ATRX: variants seen among roughly 807,000 people sequenced by gnomAD.
The protein encoded by ATRX is ATRX chromatin remodeler.
A neutral mutation model predicts 172.6 loss-of-function variants in ATRX; 12 were observed. That is an observed-to-expected ratio of 0.07 (90% CI 0.04 to 0.11). The LOEUF is 0.11. Ranked by LOEUF, ATRX falls within the 10% of genes least tolerant of loss-of-function variation. The pLI, the probability that ATRX is intolerant of heterozygous loss-of-function variation, is 1.00. For synonymous variants in ATRX, 674 were observed against 594.7 expected (o/e 1.13, Z -1.94); for missense variants, 1,368 against 1,767.4 (o/e 0.77, Z 4.05).
At chrX:77,745,173 G>GAAAAAA (rs1247509964) in intron 1 of ATRX, among the ~76,000 whole-genome samples, 3 of 27,444 alleles carry the variant, frequency 1.1e-4, no homozygotes, top group East Asian at 1.2e-3. Context: ...TCTCAAAAAT[G>GAAAAAA]AAAAAAAAAA....
intron 30 of ATRX, among the ~76,000 whole-genome samples, chrX:77,549,453 C>T (rs922401963): frequency 1.8e-5 from 2 of 111,752 alleles, no homozygotes; most frequent in Admixed American, 1.9e-4. Flanking sequence ...AAGTTTATTA[C>T]CAGAAAAGGT....
chrX:77,578,773 G>T (rs1557072093), intron 27 of ATRX, among the ~76,000 whole-genome samples: 1 of 112,205 alleles, frequency 8.9e-6, no homozygotes, highest in Non-Finnish European at 1.9e-5. Context: ...GAAGAGTAAA[G>T]GGGACTTTAT....
intron 1 of ATRX, among the ~76,000 whole-genome samples, chrX:77,750,190 A>G (rs1557186839): frequency 9.0e-6 from 1 of 111,697 alleles, no homozygotes; most frequent in African/African-American, 3.3e-5. Context: ...ACTGTGCACA[A>G]TTTATAAGTT....
chrX:77,636,219 T>G (rs1469053811), intron 15 of ATRX, among the ~76,000 whole-genome samples, 163 bp from the exon 16 acceptor site: 1 of 112,164 alleles, frequency 8.9e-6, no homozygotes, highest in Admixed American at 9.4e-5. Context: ...TCATGTTAAT[T>G]GTAATCCCCA....
intron 1 of ATRX, among the ~76,000 whole-genome samples, chrX:77,756,890 A>G (rs1334368005): frequency 3.7e-5 from 4 of 109,472 alleles, no homozygotes; most frequent in Admixed American, 9.8e-5. Context: ...GGTTCAAGCA[A>G]TTCTCCTGCC....
rs2071729788 is a variant in ATRX at position 77,688,887 on chromosome X, T to C, written c.525A>G (p.Gly175=). 7 of 1,211,233 alleles carry C rather than the reference T, an allele frequency of 5.8e-6. No homozygotes were observed. The East Asian group carries it at 8.9e-5, about 15-fold the overall frequency. The part of the protein sequence containing the change: ...LHGIVSCTAC[G]QQVNHFQKDS... Reference sequence around the variant, plus strand: ...CTTTTTGAAAATGATTGACCTGTTGTCCACAAGCAGTGCAGCTCACAATCC... The same window carrying C: ...CTTTTTGAAAATGATTGACCTGTTGCCCACAAGCAGTGCAGCTCACAATCC... Residue 175 remains glycine, a synonymous_variant, in exon 7 of 35, where the codon GGA becomes GGG. Transcript: ENST00000373344.
rs2147750370 is a variant in ATRX at position 77,522,345 on chromosome X, G to A, written c.6893C>T (p.Pro2298Leu). The A allele has an allele frequency of 8.3e-7, 1 of 1,210,110 alleles. No individual in the cohort carries two copies. The part of the protein sequence containing the change: ...RFNIPTGTNL[P>L]PVSFNSQTPY... ...AGTTTGAGAGTTGAAACTGACAGGG[G>A]GTAAATTGGTCCCAGTTGGTATGTT... is the stretch of plus-strand genomic sequence containing the variant. Residue 2298 changes from proline to leucine, a missense_variant, in exon 32 of 35, where the codon CCC (proline) becomes CTC (leucine). Around this residue, in one of 17 missense-constraint regions of ATRX, gnomAD observed 100 missense variants for 153.9 expected, o/e 0.65. Coordinates refer to ENST00000373344, the MANE Select transcript of ATRX (RefSeq NM_000489.6).
At chrX:77,785,422 C>T (rs1027020913) in intron 1 of ATRX, among the ~76,000 whole-genome samples, 2 of 109,504 alleles carry the variant, frequency 1.8e-5, no homozygotes, top group African/African-American at 6.7e-5. Context: ...ATACCTGGAA[C>T]TGCACCACAA....
chrX:77,617,303 A>C (rs1156372940), intron 21 of ATRX, among the ~76,000 whole-genome samples: 1 of 111,774 alleles, frequency 8.9e-6, no homozygotes, highest in Non-Finnish European at 1.9e-5. Context: ...AATAGAAATT[A>C]CTCCTTAAAC....
At chrX:77,595,886 G>A (rs1220744015) in intron 25 of ATRX, 3 of 111,312 alleles carry the variant, frequency 2.7e-5, no homozygotes, top group Non-Finnish European at 5.7e-5. Flanking sequence ...AATTACATAC[G>A]TTTTAAAATG....
Position 77,506,551 on chromosome X carries a change from G to A in ATRX, c.*1800C>T, listed in dbSNP as rs1486224040. On this transcript the variant is annotated 3_prime_UTR_variant, in exon 35 of 35. Transcript: ENST00000373344. ...TGGTAACAGTTGGCCAGAGTGTACT[G>A]CCTTCAAATATTTCTCATAAATCTT... The A allele has an allele frequency of 5.8e-6, 1 of 173,665 alleles. No homozygotes were observed. The highest frequency in any genetic ancestry group is 1.1e-5 in the Non-Finnish European group (1 of 91,112). 14.3% of individuals were successfully genotyped at this position (173,665 alleles called of 1,213,427 possible). A position where few individuals can be genotyped will look rare whatever the true frequency, so the allele number is the denominator to read the frequency against.
At chrX:77,557,313 A>T in intron 30 of ATRX, 138 bp downstream of exon 30, 1 of 586,770 alleles carries the variant, frequency 1.7e-6, no homozygotes, top group Non-Finnish European at 2.7e-6. Context: ...TTTTCTAGAC[A>T]AAATTCATTA....
chrX:77,749,863 C>T (rs2075233684), intron 1 of ATRX, among the ~76,000 whole-genome samples: 2 of 110,601 alleles, frequency 1.8e-5, no homozygotes, highest in African/African-American at 6.6e-5. Flanking sequence ...ACGCTGCCTG[C>T]CCATTAGTCA....
intron 30 of ATRX, among the ~76,000 whole-genome samples, chrX:77,538,566 C>A (rs1374873065): frequency 9.0e-6 from 1 of 111,329 alleles, no homozygotes; most frequent in African/African-American, 3.3e-5. Context: ...CAGACTTCAC[C>A]ACTGTGCAAT....
chrX:77,676,364 T>C, intron 9 of ATRX, 66 bp from the exon 10 acceptor site: 1 of 1,077,894 alleles, frequency 9.3e-7, no homozygotes, highest in Non-Finnish European at 1.3e-6. Context: ...CCATGTAAAA[T>C]AAAACTGAAA....
intron 30 of ATRX, among the ~76,000 whole-genome samples, chrX:77,526,406 G>GA (rs1382846348): frequency 1.8e-5 from 2 of 111,367 alleles, no homozygotes; most frequent in Admixed American, 1.9e-4. Context: ...AGGTTCCAGC[G>GA]ATTCTCCTGC....
chrX:77,704,102 C>T (rs1161236887), intron 2 of ATRX, among the ~76,000 whole-genome samples: 1 of 110,678 alleles, frequency 9.0e-6, no homozygotes, highest in Non-Finnish European at 1.9e-5. Context: ...CCCATCATCT[C>T]CCCATCATCT....
chrX:77,594,220 T>TAA, intron 25 of ATRX: 1 of 127,238 alleles, frequency 7.9e-6, no homozygotes, highest in East Asian at 2.3e-4. Flanking sequence ...CCTAAGAGAG[T>TAA]AAAATGCCCC....
chrX:77,733,321 C>G (rs1206736693), intron 1 of ATRX, among the ~76,000 whole-genome samples: 1 of 111,599 alleles, frequency 9.0e-6, no homozygotes, highest in Admixed American at 9.6e-5. Flanking sequence ...TTACACGGAA[C>G]TACAAAAGTT....
Sources: gnomAD v4.1 joint callset for allele counts (sites outside exome capture counted in the v4.1 genomes callset) on GRCh38, gnomAD v4.1.1 for gene constraint, gnomAD v4.1.1 regional missense constraint, MANE v1.5 for transcripts, NCBI Gene and HGNC (gene_info 2026-07-23, HGNC 2026-07-21) for gene names.